The following USP4 variants were observed in gnomAD, a reference collection of about 807,000 sequenced individuals.
The protein encoded by USP4 is ubiquitin specific peptidase 4, also known as ubiquitin carboxyl-terminal hydrolase 4.
USP4 carries 72 observed loss-of-function variants against 118.2 expected under a neutral mutation model. The observed-to-expected ratio is 0.61, with a 90% confidence interval of 0.50 to 0.74. The LOEUF is 0.74. Among genes scored for constraint, USP4 ranks in the 30% least tolerant of loss-of-function variants. The pLI is 0.00. For synonymous variants in USP4, 415 were observed against 440.4 expected (o/e 0.94, Z 0.72); for missense variants, 1,037 against 1,185.7 (o/e 0.87, Z 1.84).
At chr3:49,327,862 AATG>A (rs1449489396) in intron 2 of USP4, 46 bp from the exon 3 acceptor site, 18 of 1,557,822 alleles carry the variant, frequency 1.2e-5, no homozygotes, top group Non-Finnish European at 1.4e-5. Flanking sequence ...TTACCCCAGA[AATG>A]ATGGTTTTAC....
chr3:49,320,075 C>G (rs1056111798), intron 6 of USP4, among the ~76,000 whole-genome samples: 3 of 152,024 alleles, frequency 2.0e-5, no homozygotes, highest in African/African-American at 7.2e-5. Context: ...AGCTACCATG[C>G]CCAGCTAATT....
rs779357620 is a variant in USP4 at position 49,284,099 on chromosome 3, T to C, written c.2428A>G (p.Lys810Glu). 6 of 1,614,122 alleles carry C rather than the reference T, an allele frequency of 3.7e-6. No individual in the cohort carries two copies. Among genetic ancestry groups the C allele is most frequent in the Admixed American group, 1.7e-5 (1 of 60,002 alleles). The stretch of plus-strand genomic sequence containing the variant: ...GGCAAGGACCATAGGTCAAACTTTT[T>C]TGTGGCCTGTTGATGCTTCTTACAG... The part of the protein sequence containing the change: ...PNCKKHQQAT[K>E]KFDLWSLPKI... The change falls in exon 19 of 22, where the codon AAA becomes GAA. Residue 810 changes from lysine to glutamate, a missense_variant. Physicochemically the swap from Lys to Glu is moderately conservative, Grantham distance 56 (BLOSUM62 1). Around this residue, in one of 3 missense-constraint regions of USP4, gnomAD observed 522 missense variants for 592.6 expected, o/e 0.88. Transcript: ENST00000265560.
At chr3:49,290,565 A>G (rs552598014) in intron 15 of USP4, among the ~76,000 whole-genome samples, 11 of 152,322 alleles carry the variant, frequency 7.2e-5, no homozygotes, top group African/African-American at 2.6e-4. Context: ...TCCAGGCTGG[A>G]GTGCAATGAT....
intron 2 of USP4, among the ~76,000 whole-genome samples, chr3:49,333,427 T>TA (rs1289212355): frequency 6.6e-6 from 1 of 152,200 alleles, no homozygotes. Context: ...TGGCTAGCTA[T>TA]ATGGCACAAG....
intron 13 of USP4, among the ~76,000 whole-genome samples, chr3:49,297,621 A>G (rs1360490800): frequency 6.6e-6 from 1 of 152,148 alleles, no homozygotes; most frequent in African/African-American, 2.4e-5. Flanking sequence ...TTCATAGGCA[A>G]AACTGTTGAA....
intron 2 of USP4, among the ~76,000 whole-genome samples, chr3:49,331,831 T>A (rs2107804071): frequency 6.6e-6 from 1 of 151,994 alleles, no homozygotes. Context: ...AGTCAGCCTG[T>A]CCTTCAAGGC....
At chr3:49,282,508 A>T (rs1029148075) in intron 19 of USP4, among the ~76,000 whole-genome samples, 7 of 151,712 alleles carry the variant, frequency 4.6e-5, no homozygotes, top group African/African-American at 1.5e-4. Context: ...CAAACTCCTG[A>T]CCTCGTAATT....
chr3:49,278,875 T>C lies in USP4; in HGVS notation c.2672A>G (p.Asn891Ser), dbSNP rs201459440. 314 of 1,612,342 alleles carry C rather than the reference T, an allele frequency of 1.9e-4. No homozygotes were observed. The highest frequency in any genetic ancestry group is 2.3e-4 in the Non-Finnish European group (277 of 1,179,314). Residue 891 changes from asparagine to serine, a missense_variant, in exon 21 of 22, where the codon AAT becomes AGT. Physicochemically the swap from Asn to Ser is conservative, Grantham distance 46. This residue lies in a region of USP4 where 522 missense variants were observed against 592.6 expected (regional missense o/e 0.88). Coordinates refer to ENST00000265560, the MANE Select transcript of USP4 (RefSeq NM_003363.4). The part of the protein sequence containing the change: ...HYTAYAKNKL[N>S]GKWYYFDDSN... Reference sequence around the variant, plus strand: ...ATCATCAAAGTAATACCATTTACCATTCAGTTTGTTCTTCGCATATGCAGT... The same window carrying C: ...ATCATCAAAGTAATACCATTTACCACTCAGTTTGTTCTTCGCATATGCAGT...
intron 2 of USP4, among the ~76,000 whole-genome samples, chr3:49,329,608 C>T (rs1172026243): frequency 2.0e-5 from 3 of 152,030 alleles, no homozygotes; most frequent in African/African-American, 7.2e-5. Flanking sequence ...GCCAAGTTGC[C>T]CACCCTAGTC....
intron 8 of USP4, among the ~76,000 whole-genome samples, chr3:49,306,368 A>C (rs969920000): frequency 6.6e-6 from 1 of 151,564 alleles, no homozygotes; most frequent in African/African-American, 2.4e-5. Flanking sequence ...ACACCCAGCT[A>C]ATTTTTGTAT....
Position 49,300,520 on chromosome 3 carries a change from G to A in USP4, c.1459C>T (p.Arg487Ter), listed in dbSNP as rs780572364. 5.0e-6 allele frequency: 8 copies of A among 1,614,176 alleles called. No individual in the cohort carries two copies. The highest frequency in any genetic ancestry group is 1.7e-5 in the Admixed American group (1 of 60,006). Residue 487 changes from arginine (R) to a stop codon, truncating the protein, a stop_gained, in exon 11 of 22, where the codon CGA (arginine) becomes TGA (stop). Coordinates refer to ENST00000265560, the MANE Select transcript of USP4 (RefSeq NM_003363.4). LOFTEE classifies it high-confidence loss of function. ...GGAACCAGGAAAACCTCCATAACTC[G>A]ATCTTTCTTCAAGGGCAGTGGCAGC... is the stretch of plus-strand genomic sequence containing the variant. ...LTLPLPLKKDRVMEVFLVPAD... is the reference protein window; with the variant it reads ...LTLPLPLKKD
intron 15 of USP4, among the ~76,000 whole-genome samples, chr3:49,291,957 G>A (rs1038293316): frequency 1.3e-5 from 2 of 151,930 alleles, no homozygotes; most frequent in African/African-American, 2.4e-5. Flanking sequence ...ATAGGTGCCC[G>A]CCACCATGTC....
At chr3:49,308,209 TAGGGTG>T (rs2047339917) in intron 8 of USP4, among the ~76,000 whole-genome samples, 1 of 152,110 alleles carries the variant, frequency 6.6e-6, no homozygotes, top group South Asian at 2.1e-4. Context: ...AGTCTAGTCC[TAGGGTG>T]AGAAGGGCTA....
chr3:49,339,240 G>A (rs925565163), intron 1 of USP4, among the ~76,000 whole-genome samples: 1 of 152,134 alleles, frequency 6.6e-6, no homozygotes, highest in African/African-American at 2.4e-5. Flanking sequence ...ACACCACCCA[G>A]GAATCTCTCC....
chr3:49,297,599 G>A (rs2047223422), intron 13 of USP4, among the ~76,000 whole-genome samples: 1 of 152,114 alleles, frequency 6.6e-6, no homozygotes, highest in Admixed American at 6.6e-5. Flanking sequence ...TAGGAGCAGT[G>A]ATTTGGCCTT....
chr3:49,308,544 C>A (rs2047345286), intron 8 of USP4, among the ~76,000 whole-genome samples: 1 of 152,004 alleles, frequency 6.6e-6, no homozygotes, highest in South Asian at 2.1e-4. Context: ...TGTTGTCAAA[C>A]TCTTGACCTC....
chr3:49,334,408 CA>C (rs2047648846), intron 2 of USP4, among the ~76,000 whole-genome samples: 1 of 152,190 alleles, frequency 6.6e-6, no homozygotes, highest in South Asian at 2.1e-4. Flanking sequence ...TTGTTTATAC[CA>C]TGTAGACCTC....
rs115111440 is a variant in USP4, at chr3:49,340,035, G to A, written c.-11C>T. The A allele has an allele frequency of 2.5e-6, 4 of 1,603,046 alleles. No homozygotes were observed. Among genetic ancestry groups the A allele is most frequent in the Middle Eastern group, 1.7e-4 (1 of 5,882 alleles). The stretch of plus-strand genomic sequence containing the variant: ...TCCACCTTCCGCCATCTCCTCCGCG[G>A]CCCCGGCCCAGCCGGCCCGGACATC... On this transcript the variant is annotated 5_prime_UTR_variant, in exon 1 of 22. Transcript: ENST00000265560.
rs2047271703 is a variant in USP4, at chr3:49,302,482, GCTC to G, written c.1186_1188del (p.Glu396del). 2.5e-6 allele frequency: 4 copies of G among 1,614,074 alleles called. No homozygotes were observed. The highest frequency in any genetic ancestry group is 2.5e-6 in the Non-Finnish European group (3 of 1,180,028). ...AATCCATCTAGAAGAAAGGCCAGCA[GCTC>G]CTGAGAATCTTGTTGCTGGTAGCCA... On this transcript the variant is annotated inframe_deletion, in exon 10 of 22. Transcript: ENST00000265560.
Sources: gnomAD v4.1 joint callset for allele counts (sites outside exome capture counted in the v4.1 genomes callset) on GRCh38, gnomAD v4.1.1 for gene constraint, gnomAD v4.1.1 regional missense constraint, MANE v1.5 for transcripts, NCBI Gene and HGNC (gene_info 2026-07-23, HGNC 2026-07-21) for gene names.